POP1: variants seen among roughly 807,000 people sequenced by gnomAD.
The protein encoded by POP1 is ribonucleases P/MRP protein subunit POP1.
Under a neutral mutation model 102.2 loss-of-function variants are expected in POP1, and 75 were observed. That is an observed-to-expected ratio of 0.73 (90% CI 0.61 to 0.89). POP1 has a LOEUF of 0.89. POP1 is among the 40% of genes least tolerant of loss of function. The pLI, the probability that POP1 is intolerant of heterozygous loss-of-function variation, is 0.00. For missense variants in POP1, 1,116 were observed against 1,267.4 expected, an observed-to-expected ratio of 0.88 and a Z score of 1.81; for synonymous variants, 436 against 464.1, an observed-to-expected ratio of 0.94 and a Z score of 0.78.
chr8:98,130,356 GA>G, intron 5 of POP1, 130 bp downstream of exon 5: 1 of 1,354,488 alleles, frequency 7.4e-7, no homozygotes. Context: ...TCCTGAGCAT[GA>G]AGCCCGGGTC....
Position 98,129,978 on chromosome 8 carries a change from G to A in POP1, c.487G>A (p.Ala163Thr), listed in dbSNP as rs148946525. The A allele has an allele frequency of 9.6e-4, 1,557 of 1,613,838 alleles. 3 individuals are homozygous for A. Among genetic ancestry groups the A allele is most frequent in the Non-Finnish European group, 1.1e-3 (1,262 of 1,179,944 alleles). The change falls in exon 5 of 16, where the codon GCG becomes ACG. Residue 163 changes from alanine (A) to threonine (T), a missense_variant and splice_region_variant. By Grantham distance (58) the Ala-to-Thr change is moderately conservative. Coordinates refer to ENST00000401707, the MANE Select transcript of POP1 (RefSeq NM_001145860.2). ...RRLQEIAQKE[A>T]EKAVHQKKEH... ...TATGTCCCTCTACTTGAAACTATAG[G>A]CGGAGAAAGCCGTACATCAGAAAAA...
intron 9 of POP1, 128 bp from the exon 10 acceptor site, chr8:98,139,950 G>A: frequency 1.3e-6 from 1 of 769,070 alleles, no homozygotes; most frequent in Admixed American, 2.0e-5. Flanking sequence ...AACTTCCCTG[G>A]TTCATCCCAT....
At chr8:98,127,829 C>T in intron 3 of POP1, 67 bp downstream of exon 3, 4 of 1,537,054 alleles carry the variant, frequency 2.6e-6, no homozygotes, top group Non-Finnish European at 3.6e-6. Context: ...CAGCAACAAA[C>T]TGCCCTCCTT....
At chr8:98,120,707 C>T (rs185255528) in intron 1 of POP1, among the ~76,000 whole-genome samples, 5,683 of 150,692 alleles carry the variant, frequency 0.038, 150 homozygotes, top group Middle Eastern at 0.16. Context: ...AGTGCAGTGG[C>T]GCGATCTCGG....
intron 11 of POP1, among the ~76,000 whole-genome samples, chr8:98,144,672 G>T (rs942777509): frequency 6.6e-6 from 1 of 152,120 alleles, no homozygotes; most frequent in African/African-American, 2.4e-5. Flanking sequence ...CTGCAGCTTA[G>T]TCTGACTAAA....
intron 14 of POP1, among the ~76,000 whole-genome samples, chr8:98,155,473 G>C (rs1000277098): frequency 1.3e-5 from 2 of 151,926 alleles, no homozygotes; most frequent in Admixed American, 1.3e-4. Context: ...AGTAGAGACA[G>C]GGTTTCACCA....
chr8:98,117,447 G>A (rs1815873237), intron 1 of POP1, 57 bp downstream of exon 1: 1 of 287,034 alleles, frequency 3.5e-6, no homozygotes, highest in Non-Finnish European at 6.7e-6. Flanking sequence ...AACTGTATGC[G>A]GCGGCCCCCC....
intron 15 of POP1, 124 bp from the exon 16 acceptor site, chr8:98,157,493 T>C (rs1809679985): frequency 1.8e-6 from 2 of 1,137,290 alleles, no homozygotes; most frequent in Non-Finnish European, 2.5e-6. Context: ...TTTTAAAAAA[T>C]TGTAGTTTTG....
At chr8:98,149,591 T>C (rs1554626506) in intron 13 of POP1, among the ~76,000 whole-genome samples, 1 of 152,000 alleles carries the variant, frequency 6.6e-6, no homozygotes, top group Non-Finnish European at 1.5e-5. Flanking sequence ...ACCCCATCTC[T>C]ACTAAAAATA....
chr8:98,136,992 A>C, intron 9 of POP1, 38 bp downstream of exon 9: 1 of 1,531,152 alleles, frequency 6.5e-7, no homozygotes. Context: ...TATTCTAATC[A>C]TGTTTTTCCT....
chr8:98,127,891 C>T, intron 3 of POP1, 129 bp downstream of exon 3: 2 of 964,808 alleles, frequency 2.1e-6, no homozygotes, highest in South Asian at 2.9e-5. Context: ...CTACTTTAGA[C>T]CCTTCTCGCC....
In POP1 at chr8:98,127,747, C is replaced by T; in HGVS notation, c.295C>T (p.Pro99Ser). The stretch of plus-strand genomic sequence containing the variant: ...TCCCGAGGGCACGTCTCAGGAGATC[C>T]CCAAGTATATAACTGGTGGGTACTC... ...AGPEGTSQEI[P>S]KYITASTFAQ... The change falls in exon 3 of 16, where the codon CCC (proline) becomes TCC (serine). Residue 99 changes from proline to serine, a missense_variant. Transcript: ENST00000401707. The T allele has an allele frequency of 6.2e-7, 1 of 1,613,848 alleles. No individual in the cohort carries two copies. The highest frequency in any genetic ancestry group is 8.5e-7 in the Non-Finnish European group (1 of 1,179,866).
chr8:98,137,669 G>A (rs898142552), intron 9 of POP1, among the ~76,000 whole-genome samples: 2 of 152,206 alleles, frequency 1.3e-5, no homozygotes, highest in African/African-American at 4.8e-5. Flanking sequence ...TTCCAGTAGA[G>A]CTTTCTGTGA....
chr8:98,154,459 C>T (rs1231976983), intron 14 of POP1, among the ~76,000 whole-genome samples: 1 of 152,132 alleles, frequency 6.6e-6, no homozygotes, highest in African/African-American at 2.4e-5. Context: ...AAACAGGAGG[C>T]ATGGCTCTGA....
In POP1 at chr8:98,119,039, G is replaced by C. The variant is rs530815082; in HGVS notation, c.-3+1649G>C. Among the ~76,000 whole-genome samples, 41 of 152,246 alleles carry C rather than the reference G, an allele frequency of 2.7e-4. 1 individual carries two copies. The highest frequency in any genetic ancestry group is 9.4e-4 in the African/African-American group (39 of 41,550). ...TTAAATGAATAAGTCATGTAGAATA[G>C]TGCCTGCCACATCAAGTTCTCAATG... On this transcript the variant is annotated intron_variant, in intron 1 of 15. Coordinates refer to ENST00000401707, the MANE Select transcript of POP1 (RefSeq NM_001145860.2).
chr8:98,143,134 A>T (rs1479458478), intron 11 of POP1, among the ~76,000 whole-genome samples: 1 of 152,230 alleles, frequency 6.6e-6, no homozygotes, highest in Non-Finnish European at 1.5e-5. Flanking sequence ...TGGAGTTAAT[A>T]TAATCAATTC....
intron 14 of POP1, 25 bp downstream of exon 14, chr8:98,150,664 G>C (rs756115490): frequency 3.1e-6 from 5 of 1,609,200 alleles, no homozygotes; most frequent in Non-Finnish European, 4.3e-6. Context: ...TCTCTAATTT[G>C]ATAATGTATT....
At chr8:98,157,004 C>T (rs1235036551) in intron 15 of POP1, among the ~76,000 whole-genome samples, 4 of 150,450 alleles carry the variant, frequency 2.7e-5, no homozygotes, top group East Asian at 1.9e-4. Context: ...TGGGTTCAAG[C>T]GATTCTCCTG....
At chr8:98,152,827 A>G (rs62522209) in intron 14 of POP1, among the ~76,000 whole-genome samples, 20,371 of 152,082 alleles carry the variant, frequency 0.13, 1,481 homozygotes, top group Middle Eastern at 0.27. Context: ...ATCTTCCTGT[A>G]TGCATCTTTA....
Sources: allele counts gnomAD v4.1 joint callset (sites outside exome capture counted in the v4.1 genomes callset), GRCh38; gene constraint gnomAD v4.1.1; transcripts MANE v1.5; gene names NCBI Gene and HGNC (gene_info 2026-07-23, HGNC 2026-07-21).